CFAP20DC: variants seen among roughly 807,000 people sequenced by gnomAD.
CFAP20DC encodes CFAP20 domain containing.
CFAP20DC carries 84 observed loss-of-function variants against 101.7 expected under a neutral mutation model. The observed-to-expected ratio is 0.83, with a 90% CI of 0.69 to 0.99. The LOEUF is 0.99. Ranked by LOEUF, CFAP20DC falls within the 50% of genes least tolerant of loss-of-function variation. The pLI is 0.00. For missense variants in CFAP20DC, 1,007 were observed against 970.3 expected (o/e 1.04, Z -0.50); for synonymous variants, 359 against 351.2 (o/e 1.02, Z -0.25).
intron 6 of CFAP20DC, among the ~76,000 whole-genome samples, chr3:58,900,974 G>A (rs2083095892): frequency 6.6e-6 from 1 of 152,172 alleles, no homozygotes; most frequent in South Asian, 2.1e-4. Flanking sequence ...AGGGGGAATG[G>A]CTTGTAGAGA....
In CFAP20DC at chr3:58,864,797, G is replaced by A. The variant is rs1308218934; in HGVS notation, c.1259-905C>T. 2.0e-5 allele frequency among the ~76,000 whole-genome samples: 3 copies of A among 152,184 alleles called. No individual in the cohort carries two copies. The highest frequency in any genetic ancestry group is 4.8e-5 in the African/African-American group (2 of 41,446). On this transcript the variant is annotated intron_variant, in intron 11 of 16. Transcript: ENST00000482387. This position sits in a 1 kb window ranked among gnomAD's most constrained non-coding sequence, Gnocchi z 4.7. ...ACAGAAATATTTGCTAATCCAAGCA[G>A]TGGATTCTGCTGGGTGAAAAAGGTC...
intron 15 of CFAP20DC, among the ~76,000 whole-genome samples, chr3:58,763,098 G>A (rs1397043089): frequency 1.3e-5 from 2 of 152,126 alleles, no homozygotes; most frequent in African/African-American, 2.4e-5. Flanking sequence ...TTGCTAGATT[G>A]GGGAAGTTCT....
intron 3 of CFAP20DC, chr3:58,734,614 C>T: frequency 2.2e-6 from 1 of 456,054 alleles, no homozygotes; most frequent in Admixed American, 2.4e-5. Context: ...TGGATGTCAT[C>T]CCATTTCTGC....
intron 3 of CFAP20DC, chr3:58,726,855 C>T (rs534592066): frequency 7.6e-5 from 20 of 264,722 alleles, no homozygotes; most frequent in African/African-American, 1.4e-4. Flanking sequence ...ATCACTTCCA[C>T]TCACACCATC....
intron 4 of CFAP20DC, among the ~76,000 whole-genome samples, chr3:59,037,940 G>A (rs1027374278): frequency 2.6e-5 from 4 of 152,182 alleles, no homozygotes; most frequent in African/African-American, 9.7e-5. Context: ...GGAATACTAT[G>A]CAGCTGTAAA....
At chr3:58,969,714 T>C (rs1328315712) in intron 4 of CFAP20DC, among the ~76,000 whole-genome samples, 4 of 152,212 alleles carry the variant, frequency 2.6e-5, no homozygotes, top group African/African-American at 2.4e-5. Context: ...CTTATTCTTA[T>C]CTATTCCACT....
chr3:58,891,971 A>C (rs1179169414), intron 6 of CFAP20DC, among the ~76,000 whole-genome samples: 2 of 152,196 alleles, frequency 1.3e-5, no homozygotes, highest in Non-Finnish European at 2.9e-5. Context: ...TTTGGGTTTT[A>C]CATTTAAGTC....
At chr3:58,831,643 C>T (rs1324895174) in intron 14 of CFAP20DC, 43 bp downstream of exon 14, 2 of 1,566,886 alleles carry the variant, frequency 1.3e-6, no homozygotes, top group Admixed American at 1.7e-5. Context: ...AAAGCTTGCT[C>T]CTTGTTAAGC....
intron 4 of CFAP20DC, among the ~76,000 whole-genome samples, chr3:58,998,688 G>A (rs576254778): frequency 1.3e-5 from 2 of 152,104 alleles, no homozygotes; most frequent in African/African-American, 4.8e-5. Context: ...GTGGAACTGA[G>A]CAGACATGAC....
chr3:58,956,011 G>C (rs1043503955), intron 4 of CFAP20DC, among the ~76,000 whole-genome samples: 2 of 151,342 alleles, frequency 1.3e-5, no homozygotes, highest in Non-Finnish European at 2.9e-5. Flanking sequence ...TAACTGAAGA[G>C]TCCTTTGGCA....
rs979276695 is a variant in CFAP20DC at position 58,894,532 on chromosome 3, C to T, written c.551-9823G>A. 5.3e-5 allele frequency among the ~76,000 whole-genome samples: 8 copies of T among 152,218 alleles called. No individual in the cohort carries two copies. The highest frequency in any genetic ancestry group is 2.0e-4 in the Admixed American group (3 of 15,284). Reference sequence around the variant, plus strand: ...CGCTGATGCAGAAGGTGGGTTCCTACGGCCTTTGGCAGCTCCACCCCTGTG... The same window carrying T: ...CGCTGATGCAGAAGGTGGGTTCCTATGGCCTTTGGCAGCTCCACCCCTGTG... On this transcript the variant is annotated intron_variant, in intron 6 of 16. Transcript: ENST00000482387. The surrounding 1 kb of genome is among the most constrained non-coding windows in gnomAD (Gnocchi z 4.1).
At position 58,732,372 on chromosome 3, in the gene CFAP20DC, T is replaced by C. The variant is rs929031510; in HGVS notation, c.198-14744A>G. On this transcript the variant is annotated intron_variant, in intron 3 of 3. Transcript: ENST00000486145. The surrounding 1 kb of genome is among the most constrained non-coding windows in gnomAD (Gnocchi z 5.4). ...ATAGAAACCTAAGTAGTACTTGTTA[T>C]GATAAAGTTGTAGATATTGTTTATA... 6.6e-6 allele frequency among the ~76,000 whole-genome samples: 1 copy of C among 152,212 alleles called. No individual in the cohort carries two copies.
intron 15 of CFAP20DC, among the ~76,000 whole-genome samples, chr3:58,791,898 C>T (rs192391999): frequency 3.3e-5 from 5 of 152,278 alleles, no homozygotes; most frequent in Admixed American, 2.0e-4. Flanking sequence ...GGCCCTTATG[C>T]TCCTAATTAG....
chr3:59,016,182 A>C (rs1329788534), intron 4 of CFAP20DC, among the ~76,000 whole-genome samples: 4 of 152,184 alleles, frequency 2.6e-5, no homozygotes, highest in African/African-American at 4.8e-5. Flanking sequence ...ACACAATGGA[A>C]TACTATCCAG....
intron 15 of CFAP20DC, among the ~76,000 whole-genome samples, chr3:58,780,452 C>A (rs1248094325): frequency 6.6e-6 from 1 of 151,770 alleles, no homozygotes; most frequent in Admixed American, 6.6e-5. Flanking sequence ...CAGTAATAAC[C>A]TTGAATGTGA....
chr3:58,758,876 T>C (rs2069231000), intron 15 of CFAP20DC, among the ~76,000 whole-genome samples: 1 of 152,158 alleles, frequency 6.6e-6, no homozygotes, highest in African/African-American at 2.4e-5. Flanking sequence ...CTCATCCTTT[T>C]TTATGGCTGC....
At chr3:58,798,686 G>A (rs888348816) in intron 15 of CFAP20DC, among the ~76,000 whole-genome samples, 6 of 152,172 alleles carry the variant, frequency 3.9e-5, no homozygotes, top group Admixed American at 1.3e-4. Flanking sequence ...AGTCTTTCAC[G>A]AAAGGAAGAG....
intron 14 of CFAP20DC, among the ~76,000 whole-genome samples, chr3:58,817,591 A>C (rs1223447213): frequency 5.6e-5 from 8 of 143,542 alleles, no homozygotes; most frequent in African/African-American, 2.1e-4. Context: ...GTTTAGAGAA[A>C]AAAGAATAAA....
rs537615356 is a variant in CFAP20DC at position 58,799,307 on chromosome 3, T to A, written c.2237+7088A>T. Among the ~76,000 whole-genome samples the A allele has an allele frequency of 6.6e-6, 1 of 152,268 alleles. No homozygotes were observed. Among genetic ancestry groups the A allele is most frequent in the Admixed American group, 6.5e-5 (1 of 15,290 alleles). On this transcript the variant is annotated intron_variant, in intron 15 of 16. Transcript: ENST00000482387. The surrounding 1 kb of genome is among the most constrained non-coding windows in gnomAD (Gnocchi z 4.9). ...ACACTAATTCAATTTTAGAAAACTG[T>A]CTCTATTTAAAGGTGTAAAATGATA...
Sources: allele counts gnomAD v4.1 joint callset (sites outside exome capture counted in the v4.1 genomes callset), GRCh38; gene constraint gnomAD v4.1.1; non-coding constraint Gnocchi (gnomAD v3.1); transcripts MANE v1.5; gene names NCBI Gene and HGNC (gene_info 2026-07-23, HGNC 2026-07-21).